ADAMTS16: variants seen among roughly 807,000 people sequenced by gnomAD.
ADAMTS16 encodes A disintegrin and metalloproteinase with thrombospondin motifs 16.
A neutral mutation model predicts 145.8 loss-of-function variants in ADAMTS16; 94 were observed. That is an observed-to-expected ratio of 0.64 (90% CI 0.55 to 0.77). ADAMTS16 has a LOEUF of 0.77. ADAMTS16 is among the 30% of genes least tolerant of loss of function. ADAMTS16 has a pLI of 0.00. For synonymous variants in ADAMTS16, 659 were observed against 604.3 expected (o/e 1.09, Z -1.33); for missense variants, 1,585 against 1,591.5 (o/e 1.00, Z 0.07).
At chr5:5,220,325 A>C (rs1736563240) in intron 10 of ADAMTS16, among the ~76,000 whole-genome samples, 1 of 149,500 alleles carries the variant, frequency 6.7e-6, no homozygotes, top group Admixed American at 6.7e-5. Flanking sequence ...ACGCCTGGCT[A>C]ATTTTTTATA....
At chr5:5,205,837 T>C (rs944437217) in intron 9 of ADAMTS16, among the ~76,000 whole-genome samples, 10 of 152,250 alleles carry the variant, frequency 6.6e-5, no homozygotes, top group Non-Finnish European at 1.5e-5. Flanking sequence ...TTTATATGCT[T>C]TGTGTAACAG....
At chr5:5,266,100 A>G (rs1463842944) in intron 18 of ADAMTS16, among the ~76,000 whole-genome samples, 2 of 151,628 alleles carry the variant, frequency 1.3e-5, no homozygotes, top group African/African-American at 4.9e-5. Context: ...GTTAAATCTC[A>G]GGGTAATTGG....
At chr5:5,244,991 G>C (rs1379623978) in intron 17 of ADAMTS16, among the ~76,000 whole-genome samples, 1 of 152,176 alleles carries the variant, frequency 6.6e-6, no homozygotes, top group East Asian at 1.9e-4. Context: ...GTTAATTACA[G>C]TGACTGCTTC....
At chr5:5,175,095 A>G (rs1593857) in intron 3 of ADAMTS16, among the ~76,000 whole-genome samples, 145,232 of 152,332 alleles carry the variant, frequency 0.95, 69,344 homozygotes, top group African/African-American at 0.99. Flanking sequence ...AGCCATCACA[A>G]CTGGAAATGT....
chr5:5,302,984 C>A (rs1406567552), intron 18 of ADAMTS16, among the ~76,000 whole-genome samples: 2 of 151,982 alleles, frequency 1.3e-5, no homozygotes, highest in East Asian at 3.9e-4. Context: ...AAGAAGAGAA[C>A]AGACACACTG....
At chr5:5,296,163 C>G (rs1004481960) in intron 18 of ADAMTS16, among the ~76,000 whole-genome samples, 1 of 152,204 alleles carries the variant, frequency 6.6e-6, no homozygotes, top group Admixed American at 6.5e-5. Context: ...GTGGGTCCCT[C>G]TTTGAGAAGG....
intron 16 of ADAMTS16, 77 bp downstream of exon 16, chr5:5,240,002 C>G: frequency 1.3e-6 from 2 of 1,553,488 alleles, no homozygotes; most frequent in Non-Finnish European, 1.7e-6. Flanking sequence ...TGGCTGTTGG[C>G]ATAATTTTAA....
chr5:5,233,169 C>A (rs1450113425), intron 12 of ADAMTS16, among the ~76,000 whole-genome samples: 1 of 151,604 alleles, frequency 6.6e-6, no homozygotes, highest in African/African-American at 2.4e-5. Flanking sequence ...TAAATAAGAT[C>A]AGTAAGAACA....
intron 11 of ADAMTS16, chr5:5,223,861 T>A (rs1736678440): frequency 6.6e-6 from 1 of 151,836 alleles, no homozygotes; most frequent in Admixed American, 6.6e-5. Context: ...TTTATGTATC[T>A]GAGTTTTTAG....
chr5:5,208,111 T>C (rs960155896), intron 9 of ADAMTS16, among the ~76,000 whole-genome samples: 1 of 152,240 alleles, frequency 6.6e-6, no homozygotes, highest in African/African-American at 2.4e-5. Flanking sequence ...AGTTCTTCCC[T>C]AATCTCTGGT....
chr5:5,290,377 G>A (rs558597809), intron 18 of ADAMTS16, among the ~76,000 whole-genome samples: 47 of 152,314 alleles, frequency 3.1e-4, no homozygotes, highest in African/African-American at 1.0e-3. Context: ...TGCCTAGGCC[G>A]GGCGTGGTGG....
At chr5:5,316,328 A>G (rs950722940) in intron 21 of ADAMTS16, among the ~76,000 whole-genome samples, 1 of 152,148 alleles carries the variant, frequency 6.6e-6, no homozygotes, top group Admixed American at 6.5e-5. Flanking sequence ...TTCACCCACC[A>G]TGCACCAGGA....
At position 5,235,092 on chromosome 5, in the gene ADAMTS16, C is replaced by T; in HGVS notation, c.1929C>T (p.Asp643=). 6.2e-7 allele frequency: 1 copy of T among 1,608,180 alleles called. No homozygotes were observed. Among genetic ancestry groups the T allele is most frequent in the South Asian group, 1.1e-5 (1 of 90,870 alleles). The change falls in exon 13 of 23, where the codon GAC becomes GAT. Residue 643 remains aspartate, a synonymous_variant. Coordinates refer to ENST00000274181, the MANE Select transcript of ADAMTS16 (RefSeq NM_139056.4). ...GCAACAGTCAGAAATGTCCCCGGGACAGTGTTGACTTCCGTGCTGCTCAGT... is the reference window on the plus strand; with the variant it reads ...GCAACAGTCAGAAATGTCCCCGGGATAGTGTTGACTTCCGTGCTGCTCAGT... ...KLCNSQKCPR[D]SVDFRAAQCA...
intron 9 of ADAMTS16, among the ~76,000 whole-genome samples, chr5:5,205,076 T>TA (rs964017736): frequency 3.4e-5 from 5 of 148,026 alleles, no homozygotes; most frequent in African/African-American, 1.3e-4. Flanking sequence ...TTTGTGCATG[T>TA]AAAAAAAATA....
chr5:5,232,255 A>C, intron 11 of ADAMTS16, 113 bp from the exon 12 acceptor site: 2 of 1,228,268 alleles, frequency 1.6e-6, no homozygotes, highest in Non-Finnish European at 2.3e-6. Context: ...GGGGAGGCTA[A>C]TGTCTGCATA....
chr5:5,316,989 A>G (rs1368218747), intron 21 of ADAMTS16, among the ~76,000 whole-genome samples: 1 of 152,104 alleles, frequency 6.6e-6, no homozygotes, highest in African/African-American at 2.4e-5. Context: ...CCTTCTATCC[A>G]TACCTAGATT....
At chr5:5,288,940 G>A (rs1199495955) in intron 18 of ADAMTS16, among the ~76,000 whole-genome samples, 4 of 152,150 alleles carry the variant, frequency 2.6e-5, no homozygotes, top group African/African-American at 7.2e-5. Flanking sequence ...CAGCTTCCTC[G>A]TTCATGAAAT....
chr5:5,196,237 C>CAAA (rs10680781), intron 8 of ADAMTS16, among the ~76,000 whole-genome samples: 4,685 of 94,776 alleles, frequency 0.049, 303 homozygotes, highest in South Asian at 0.077. Context: ...GCCTCCATCT[C>CAAA]AAAAAAAAAA....
chr5:5,256,049 T>C (rs976778873), intron 17 of ADAMTS16, among the ~76,000 whole-genome samples: 2 of 152,246 alleles, frequency 1.3e-5, no homozygotes, highest in African/African-American at 4.8e-5. Flanking sequence ...TGATCTTCTT[T>C]TTGCTCTATT....
Sources: allele counts gnomAD v4.1 joint callset (sites outside exome capture counted in the v4.1 genomes callset), GRCh38; gene constraint gnomAD v4.1.1; transcripts MANE v1.5; gene names NCBI Gene and HGNC (gene_info 2026-07-23, HGNC 2026-07-21).